Variants in L3HYPDH observed in about 807,000 individuals in gnomAD.
L3HYPDH encodes the protein trans-3-hydroxy-L-proline dehydratase.
Under a neutral mutation model 26.5 loss-of-function variants are expected in L3HYPDH, and 32 were observed. That is an observed-to-expected ratio of 1.21 (90% CI 0.91 to 1.62). The LOEUF (loss-of-function observed/expected upper bound fraction) is 1.62. L3HYPDH is among the 40% of genes most tolerant of loss of function. L3HYPDH has a pLI of 0.00. For missense variants in L3HYPDH, 554 were observed against 476.4 expected (o/e 1.16, Z -1.52); for synonymous variants, 215 against 196.6 (o/e 1.09, Z -0.78).
chr14:59,484,329 G>T lies in L3HYPDH; in HGVS notation c.-13C>A. 2.5e-6 allele frequency: 4 copies of T among 1,574,984 alleles called. No individual in the cohort carries two copies. The highest frequency in any genetic ancestry group is 3.4e-6 in the Non-Finnish European group (4 of 1,167,554). Reference sequence around the variant, plus strand: ...GCGCGCTCTCCATGGTCTGCGTCGGGGGAGACGAGTACGGTCCCGCAGCTA... The same window carrying T: ...GCGCGCTCTCCATGGTCTGCGTCGGTGGAGACGAGTACGGTCCCGCAGCTA... On this transcript the variant is annotated 5_prime_UTR_variant, in exon 1 of 5. Transcript: ENST00000247194.
chr14:59,466,740 A>G (rs1889192948), intron 1 of L3HYPDH, among the ~76,000 whole-genome samples: 1 of 152,230 alleles, frequency 6.6e-6, no homozygotes, highest in Non-Finnish European at 1.5e-5. Flanking sequence ...TAAGGTGGCA[A>G]ACCAAAACTG....
upstream of L3HYPDH, chr14:59,487,948 A>G: frequency 1.1e-6 from 1 of 937,890 alleles, no homozygotes; most frequent in Non-Finnish European, 1.6e-6. Flanking sequence ...GTTTTTCTTT[A>G]TCTTCAGATT....
At chr14:59,486,002 C>T (rs552811259), upstream of L3HYPDH, 1 of 152,242 alleles carries the variant, frequency 6.6e-6, no homozygotes, top group East Asian at 1.9e-4. Context: ...TGAATAAGGT[C>T]AAAGACAACG....
downstream of L3HYPDH, among the ~76,000 whole-genome samples, chr14:59,471,316 G>A (rs998584556): frequency 6.6e-6 from 1 of 152,132 alleles, no homozygotes; most frequent in Non-Finnish European, 1.5e-5. Context: ...TCCTATCTTA[G>A]AACTGGAGGA....
At position 59,483,962 on chromosome 14, in the gene L3HYPDH, C is replaced by A; in HGVS notation, c.355G>T (p.Gly119Trp). ...CCCGCAGGGGGCGCCGGCACAAGCC[C>A]GAAGTCCAAAGCGAAGCGGCCCAGC... ...LALGRFALDF[G>W]LVPAPPAGTR... Residue 119 changes from glycine to tryptophan, a missense_variant, in exon 1 of 5, where the codon GGG becomes TGG. By Grantham distance (184) the Gly-to-Trp change is radical. Coordinates refer to ENST00000247194, the MANE Select transcript of L3HYPDH (RefSeq NM_144581.2). The A allele has an allele frequency of 1.3e-6, 2 of 1,567,558 alleles. No homozygotes were observed. Among genetic ancestry groups the A allele is most frequent in the Non-Finnish European group, 1.7e-6 (2 of 1,162,292 alleles).
upstream of L3HYPDH, chr14:59,485,091 G>T (rs748320801): frequency 3.8e-6 from 6 of 1,598,424 alleles, no homozygotes; most frequent in Admixed American, 1.0e-4. Context: ...AAATTCAACA[G>T]TCGCTTGGAG....
At chr14:59,488,125 TTTA>T (rs1395355620), upstream of L3HYPDH, among the ~76,000 whole-genome samples, 1 of 152,088 alleles carries the variant, frequency 6.6e-6, no homozygotes, top group Non-Finnish European at 1.5e-5. Flanking sequence ...TTACAAGCTA[TTTA>T]TTGTTATGGA....
chr14:59,485,157 T>C (rs1329689360), upstream of L3HYPDH: 2 of 1,591,182 alleles, frequency 1.3e-6, no homozygotes, highest in African/African-American at 1.3e-5. Context: ...TTTATCATAC[T>C]GGTTTTCAGG....
At chr14:59,484,715 G>T (rs1890380156), upstream of L3HYPDH, 13 of 1,259,028 alleles carry the variant, frequency 1.0e-5, no homozygotes, top group Non-Finnish European at 1.5e-5. Context: ...CTCGCCCCTT[G>T]ACCCCGCCCG....
the L3HYPDH span, chr14:59,501,298 CTT>C: frequency 2.2e-6 from 3 of 1,366,310 alleles, no homozygotes; most frequent in South Asian, 1.2e-5. Context: ...TTGTTAAAGA[CTT>C]TTTGATAAAT....
chr14:59,484,745 A>G (rs1346312453), upstream of L3HYPDH: 2 of 1,065,394 alleles, frequency 1.9e-6, no homozygotes, highest in Non-Finnish European at 2.7e-6. Context: ...CGGGCTCCGC[A>G]CTCCTGCGGG....
the L3HYPDH span, among the ~76,000 whole-genome samples, chr14:59,490,190 G>C: frequency 2.8e-4 from 43 of 152,256 alleles, no homozygotes; most frequent in African/African-American, 1.0e-3. Context: ...CCAAAGTGCT[G>C]GGATTATAGA....
At chr14:59,482,887 C>T (rs972312210) in intron 1 of L3HYPDH, among the ~76,000 whole-genome samples, 1 of 152,152 alleles carries the variant, frequency 6.6e-6, no homozygotes, top group Non-Finnish European at 1.5e-5. Flanking sequence ...GTCACAATGA[C>T]TAAAGCATTC....
At chr14:59,487,630 T>C (rs1393566782), upstream of L3HYPDH, 4 of 1,493,400 alleles carry the variant, frequency 2.7e-6, no homozygotes, top group Non-Finnish European at 3.7e-6. Context: ...GTTAATGTTG[T>C]AAAATAATAT....
intron 2 of L3HYPDH, among the ~76,000 whole-genome samples, chr14:59,478,249 T>C (rs966359664): frequency 1.3e-5 from 2 of 152,188 alleles, no homozygotes; most frequent in East Asian, 1.9e-4. Context: ...CTATAAACTA[T>C]ATTAGTATGT....
chr14:59,495,299 T>C, the L3HYPDH span: 3 of 1,191,152 alleles, frequency 2.5e-6, no homozygotes, highest in Non-Finnish European at 1.2e-6. Context: ...TTATGGCGTT[T>C]GGAGACAAAA....
At chr14:59,468,010 G>A (rs1298359701), downstream of L3HYPDH, among the ~76,000 whole-genome samples, 2 of 152,048 alleles carry the variant, frequency 1.3e-5, no homozygotes, top group South Asian at 2.1e-4. Flanking sequence ...TGTCCTAACC[G>A]GTCTTCCCAC....
intron 1 of L3HYPDH, among the ~76,000 whole-genome samples, chr14:59,466,486 C>A (rs188412172): frequency 6.6e-6 from 1 of 152,280 alleles, no homozygotes; most frequent in East Asian, 1.9e-4. Context: ...TTGAGAAATA[C>A]AAATTATCAG....
upstream of L3HYPDH, chr14:59,486,011 C>G (rs993030530): frequency 6.6e-6 from 1 of 152,096 alleles, no homozygotes; most frequent in East Asian, 1.9e-4. Flanking sequence ...TCAAAGACAA[C>G]GTATTAGGTT....
Sources: gnomAD v4.1 joint callset for allele counts (sites outside exome capture counted in the v4.1 genomes callset) on GRCh38, gnomAD v4.1.1 for gene constraint, MANE v1.5 for transcripts, NCBI Gene and HGNC (gene_info 2026-07-23, HGNC 2026-07-21) for gene names.